The following KIF13B variants were observed in gnomAD, a reference collection of about 807,000 sequenced individuals.
KIF13B encodes kinesin-like protein KIF13B.
A neutral mutation model predicts 222.0 loss-of-function variants in KIF13B; 127 were observed. The ratio of observed to expected loss-of-function variants is 0.57; its 90% confidence interval spans 0.50 to 0.66. KIF13B has a LOEUF of 0.66. KIF13B is among the 30% of genes least tolerant of loss of function. The probability of loss-of-function intolerance (pLI) is 0.00; values close to 1 mark genes in which losing one functional copy is unlikely to be tolerated. For missense variants in KIF13B, 2,173 were observed against 2,379.0 expected (o/e 0.91, Z 1.80); for synonymous variants, 976 against 919.0 (o/e 1.06, Z -1.12).
intron 21 of KIF13B, among the ~76,000 whole-genome samples, chr8:29,139,455 C>G (rs2129916287): frequency 6.6e-6 from 1 of 152,216 alleles, no homozygotes. Flanking sequence ...AAAAATGAAC[C>G]CTTCAGTGAA....
At position 29,188,828 on chromosome 8, in the gene KIF13B, T is replaced by C. The variant is rs140286764; in HGVS notation, c.224-221A>G. 2.3e-3 allele frequency among the ~76,000 whole-genome samples: 344 copies of C among 152,280 alleles called. 2 individuals carry two copies. The highest frequency in any genetic ancestry group is 3.5e-3 in the Admixed American group (53 of 15,310). ...TCCCTGTAATACATGCTTGAATAAATAAACACGACTAAGAATCCCCTGCAA... is the reference window on the plus strand; with the variant it reads ...TCCCTGTAATACATGCTTGAATAAACAAACACGACTAAGAATCCCCTGCAA... On this transcript the variant is annotated intron_variant, in intron 4 of 39. Transcript: ENST00000524189.
At chr8:29,103,525 T>G (rs1808899951) in intron 35 of KIF13B, among the ~76,000 whole-genome samples, 1 of 152,090 alleles carries the variant, frequency 6.6e-6, no homozygotes, top group Non-Finnish European at 1.5e-5. Context: ...GGGATCATAT[T>G]TTATATTTTT....
At chr8:29,250,070 T>C (rs1816213649) in intron 1 of KIF13B, 1 of 1,287,294 alleles carries the variant, frequency 7.8e-7, no homozygotes, top group East Asian at 5.5e-5. Context: ...ATCAGCTGGC[T>C]CCTTACAGTC....
intron 1 of KIF13B, among the ~76,000 whole-genome samples, chr8:29,261,136 A>T (rs17059862): frequency 0.09 from 13,748 of 152,236 alleles, 796 homozygotes; most frequent in African/African-American, 0.15. Context: ...CTAAGTGAAC[A>T]CAGGAGGTAC....
At chr8:29,220,536 A>C (rs908251041) in intron 2 of KIF13B, among the ~76,000 whole-genome samples, 1 of 146,706 alleles carries the variant, frequency 6.8e-6, no homozygotes, top group African/African-American at 2.6e-5. Context: ...TTCTAAGTAA[A>C]TAAAATTTCT....
chr8:29,118,238 C>A (rs1023709539), intron 30 of KIF13B, among the ~76,000 whole-genome samples: 1 of 151,810 alleles, frequency 6.6e-6, no homozygotes. Flanking sequence ...CACCTGTAAT[C>A]CCAGCACTTT....
At chr8:29,170,600 GGA>G (rs1029805464) in intron 10 of KIF13B, among the ~76,000 whole-genome samples, 3 of 152,148 alleles carry the variant, frequency 2.0e-5, no homozygotes, top group Admixed American at 1.3e-4. Flanking sequence ...AGAGGAGGGA[GGA>G]GAGACTGAAG....
At chr8:29,109,287 T>C in intron 34 of KIF13B, 147 bp downstream of exon 34, 1 of 669,404 alleles carries the variant, frequency 1.5e-6, no homozygotes. Context: ...ACAGACCCAG[T>C]GGGGTGGAGA....
At chr8:29,119,945 T>C (rs1343018092) in intron 29 of KIF13B, among the ~76,000 whole-genome samples, 2 of 152,168 alleles carry the variant, frequency 1.3e-5, no homozygotes, top group Admixed American at 1.3e-4. Context: ...ACGGAGGACA[T>C]CCACACTCAT....
chr8:29,095,113 C>T (rs983424758), intron 36 of KIF13B, among the ~76,000 whole-genome samples: 2 of 152,026 alleles, frequency 1.3e-5, no homozygotes, highest in African/African-American at 4.8e-5. Flanking sequence ...ACATTTCTCA[C>T]GATTGCTGAA....
intron 2 of KIF13B, among the ~76,000 whole-genome samples, chr8:29,225,605 A>G (rs1453837148): frequency 2.6e-5 from 4 of 152,200 alleles, no homozygotes; most frequent in Admixed American, 2.6e-4. Flanking sequence ...AGTATCCACA[A>G]AATAGGGAAT....
At chr8:29,104,944 C>T (rs2133592111) in intron 35 of KIF13B, among the ~76,000 whole-genome samples, 1 of 150,402 alleles carries the variant, frequency 6.6e-6, no homozygotes, top group African/African-American at 2.5e-5. Flanking sequence ...TGGGGTTTCA[C>T]TGTGTTAGCC....
Position 29,071,734 on chromosome 8 carries a change from G to T in KIF13B, c.5104C>A (p.Arg1702=). The part of the protein sequence containing the change: ...EEADEVPEWL[R]EGEFVTVGAH... Reference sequence around the variant, plus strand: ...CCCACGGTGACGAACTCGCCCTCTCGGAGCCACTCCGGGACCTCGTCAGCT... The same window carrying T: ...CCCACGGTGACGAACTCGCCCTCTCTGAGCCACTCCGGGACCTCGTCAGCT... The change falls in exon 39 of 40, where the codon CGA becomes AGA. Residue 1702 remains arginine (R), a synonymous_variant. Coordinates refer to ENST00000524189, the MANE Select transcript of KIF13B (RefSeq NM_015254.4). The surrounding 1 kb of genome is among the most constrained non-coding windows in gnomAD (Gnocchi z 4.9). The T allele has an allele frequency of 6.5e-7, 1 of 1,549,952 alleles. No individual in the cohort carries two copies. The highest frequency in any genetic ancestry group is 2.4e-5 in the East Asian group (1 of 40,884).
intron 10 of KIF13B, among the ~76,000 whole-genome samples, chr8:29,172,119 C>T (rs1419230000): frequency 2.9e-5 from 4 of 137,646 alleles, no homozygotes; most frequent in Non-Finnish European, 4.6e-5. Context: ...CTCACTCCGT[C>T]GCCCAGGCTG....
chr8:29,096,293 CTTTTTTTTTTT>C (rs61008499), intron 36 of KIF13B, among the ~76,000 whole-genome samples: 2 of 76,692 alleles, frequency 2.6e-5, no homozygotes, highest in African/African-American at 4.2e-5. Flanking sequence ...CCAAGCTTTT[CTTTTTTTTTTT>C]TTTTTTTTTT....
At chr8:29,075,697 A>T (rs1371951747) in intron 37 of KIF13B, among the ~76,000 whole-genome samples, 1 of 152,236 alleles carries the variant, frequency 6.6e-6, no homozygotes, top group African/African-American at 2.4e-5. Context: ...CAGGAGGTGA[A>T]AGCCATGCCA....
At chr8:29,227,219 T>G (rs1389636634) in intron 2 of KIF13B, among the ~76,000 whole-genome samples, 1 of 151,864 alleles carries the variant, frequency 6.6e-6, no homozygotes, top group African/African-American at 2.4e-5. Context: ...TCTCAAGTTA[T>G]GAAATATTTA....
At chr8:29,090,663 A>G (rs190566005) in intron 37 of KIF13B, among the ~76,000 whole-genome samples, 18 of 152,330 alleles carry the variant, frequency 1.2e-4, no homozygotes, top group African/African-American at 4.3e-4. Flanking sequence ...ACTACCAGGT[A>G]TCTTCATCAA....
chr8:29,123,211 C>G (rs1346445623), intron 28 of KIF13B, among the ~76,000 whole-genome samples, 155 bp downstream of exon 28: 2 of 152,200 alleles, frequency 1.3e-5, no homozygotes, highest in Non-Finnish European at 2.9e-5. Context: ...AGTTATTCAA[C>G]TCATGAAAAT....
Sources: allele counts gnomAD v4.1 joint callset (sites outside exome capture counted in the v4.1 genomes callset), GRCh38; gene constraint gnomAD v4.1.1; non-coding constraint Gnocchi (gnomAD v3.1); transcripts MANE v1.5; gene names NCBI Gene and HGNC (gene_info 2026-07-23, HGNC 2026-07-21).